Variants in AGBL4 observed in about 807,000 individuals in gnomAD.
The protein encoded by AGBL4 is cytosolic carboxypeptidase 6.
Under a neutral mutation model 66.4 loss-of-function variants are expected in AGBL4, and 58 were observed. The observed-to-expected ratio is 0.87, with a 90% CI of 0.71 to 1.09. The LOEUF (loss-of-function observed/expected upper bound fraction) is 1.09, where lower values mean the gene tolerates loss of function less well. AGBL4 is among the 50% of genes least tolerant of loss of function. The probability of loss-of-function intolerance (pLI) is 0.00; values close to 1 mark genes in which losing one functional copy is unlikely to be tolerated. For synonymous variants in AGBL4, 234 were observed against 222.9 expected, an observed-to-expected ratio of 1.05 and a Z score of -0.44; for missense variants, 579 against 631.0, an observed-to-expected ratio of 0.92 and a Z score of 0.88.
At chr1:48,969,866 C>T (rs1009968210) in intron 5 of AGBL4, among the ~76,000 whole-genome samples, 2 of 152,170 alleles carry the variant, frequency 1.3e-5, no homozygotes, top group Non-Finnish European at 2.9e-5. Context: ...TCACTCATTT[C>T]CAGCACCTGA....
intron 2 of AGBL4, among the ~76,000 whole-genome samples, chr1:49,773,712 T>C (rs1361913424): frequency 1.3e-5 from 2 of 152,212 alleles, no homozygotes; most frequent in Non-Finnish European, 2.9e-5. Context: ...AGACTCACTA[T>C]CAGGCCAGGG....
chr1:48,974,866 T>G (rs1476767756), intron 5 of AGBL4, among the ~76,000 whole-genome samples: 1 of 152,170 alleles, frequency 6.6e-6, no homozygotes, highest in Non-Finnish European at 1.5e-5. Context: ...AGGAAACAGA[T>G]TCTACCTGTC....
At chr1:49,933,588 C>T (rs1224305825) in intron 1 of AGBL4, among the ~76,000 whole-genome samples, 2 of 152,010 alleles carry the variant, frequency 1.3e-5, no homozygotes, top group African/African-American at 2.4e-5. Flanking sequence ...CTATAAATTA[C>T]AAAAACTTGT....
At chr1:49,978,360 C>CT (rs1658756282) in intron 1 of AGBL4, among the ~76,000 whole-genome samples, 2 of 152,062 alleles carry the variant, frequency 1.3e-5, no homozygotes, top group Non-Finnish European at 2.9e-5. Context: ...CAGAGAATCA[C>CT]TTGGGCCCAG....
At chr1:48,703,442 T>C (rs1271911346) in intron 6 of AGBL4, among the ~76,000 whole-genome samples, 1 of 151,988 alleles carries the variant, frequency 6.6e-6, no homozygotes. Flanking sequence ...AAGGAGATGA[T>C]AGATACAAAA....
chr1:48,595,113 T>A (rs1644976125), intron 9 of AGBL4, among the ~76,000 whole-genome samples: 1 of 152,118 alleles, frequency 6.6e-6, no homozygotes. Context: ...AAATCTCAAT[T>A]CAAAAAGCCT....
At chr1:49,905,441 A>C (rs1391625692) in intron 1 of AGBL4, among the ~76,000 whole-genome samples, 1 of 152,198 alleles carries the variant, frequency 6.6e-6, no homozygotes, top group Non-Finnish European at 1.5e-5. Context: ...ACCAACATGA[A>C]GCAAGTCAAA....
chr1:49,582,878 C>T (rs1257514400), intron 3 of AGBL4, among the ~76,000 whole-genome samples: 2 of 152,160 alleles, frequency 1.3e-5, no homozygotes, highest in East Asian at 1.9e-4. Flanking sequence ...TTTTCCAAAA[C>T]CAGATCTATG....
chr1:49,137,199 G>C (rs1174515447), intron 4 of AGBL4, among the ~76,000 whole-genome samples: 1 of 151,956 alleles, frequency 6.6e-6, no homozygotes, highest in Admixed American at 6.6e-5. Flanking sequence ...TCTTAACCAA[G>C]GTCACATAGC....
intron 4 of AGBL4, among the ~76,000 whole-genome samples, chr1:49,176,060 A>T (rs1314790651): frequency 6.6e-6 from 1 of 152,168 alleles, no homozygotes; most frequent in Non-Finnish European, 1.5e-5. Flanking sequence ...AGAAAACGAT[A>T]GACTTGTTTT....
rs114836266 is a variant in AGBL4 at position 49,980,728 on chromosome 1, A to G, written c.34+43035T>C. Among the ~76,000 whole-genome samples the G allele has an allele frequency of 5.4e-3, 817 of 152,322 alleles. 10 individuals are homozygous for G. Among genetic ancestry groups the G allele is most frequent in the Non-Finnish European group, 7.7e-3 (526 of 68,006 alleles). On this transcript the variant is annotated intron_variant, in intron 1 of 13. Transcript: ENST00000371839. ...TATTGTGAATACTGCTACTGTGAACATGAGTGTGCAAATATCTCTTCAAGA... is the reference window on the plus strand; with the variant it reads ...TATTGTGAATACTGCTACTGTGAACGTGAGTGTGCAAATATCTCTTCAAGA...
chr1:49,556,926 TC>T, intron 3 of AGBL4, among the ~76,000 whole-genome samples: 1 of 152,178 alleles, frequency 6.6e-6, no homozygotes, highest in Admixed American at 6.5e-5. Context: ...CGGCGCACCC[TC>T]CGCAGATGCT....
At chr1:49,052,358 A>G (rs965749665) in intron 4 of AGBL4, among the ~76,000 whole-genome samples, 6 of 152,130 alleles carry the variant, frequency 3.9e-5, no homozygotes, top group South Asian at 4.1e-4. Flanking sequence ...CACATACTCT[A>G]TCTTCTCCAA....
At chr1:49,763,467 G>A (rs1393663097) in intron 2 of AGBL4, among the ~76,000 whole-genome samples, 1 of 152,180 alleles carries the variant, frequency 6.6e-6, no homozygotes, top group Admixed American at 6.5e-5. Flanking sequence ...AAACAAAACG[G>A]TGAGCAAATA....
At chr1:49,781,102 A>G (rs994614087) in intron 2 of AGBL4, among the ~76,000 whole-genome samples, 18 of 152,306 alleles carry the variant, frequency 1.2e-4, no homozygotes, top group Admixed American at 2.6e-4. Flanking sequence ...TCAAAATGTT[A>G]TAAGAGGCCA....
chr1:49,304,562 G>A (rs1644815708), intron 3 of AGBL4, among the ~76,000 whole-genome samples: 1 of 152,144 alleles, frequency 6.6e-6, no homozygotes, highest in Non-Finnish European at 1.5e-5. Flanking sequence ...CCCAGTTGCA[G>A]ATGGTTATCA....
chr1:49,874,459 A>G (rs1646921837), intron 1 of AGBL4, among the ~76,000 whole-genome samples: 1 of 152,110 alleles, frequency 6.6e-6, no homozygotes, highest in African/African-American at 2.4e-5. Flanking sequence ...TATGCTAAAA[A>G]ACCCAATAAA....
intron 3 of AGBL4, among the ~76,000 whole-genome samples, chr1:49,644,429 C>T (rs1043461135): frequency 2.6e-5 from 4 of 151,508 alleles, no homozygotes; most frequent in Non-Finnish European, 4.4e-5. Flanking sequence ...AATGCAACTA[C>T]ACAGAAAGGT....
rs76976773 is a variant in AGBL4 at position 48,871,528 on chromosome 1, G to A, written c.595-4298C>T. 1.6e-4 allele frequency among the ~76,000 whole-genome samples: 24 copies of A among 152,200 alleles called. No individual in the cohort carries two copies. The East Asian group carries it at 4.4e-3, about 28-fold the overall frequency. ...ACTGAAGGAATGTGGGTATGCCAGC[G>A]TTGGATCAATCAGGAGTAGATATGT... On this transcript the variant is annotated intron_variant, in intron 5 of 13. Coordinates refer to ENST00000371839, the MANE Select transcript of AGBL4 (RefSeq NM_032785.4).
Sources: gnomAD v4.1 joint callset for allele counts (sites outside exome capture counted in the v4.1 genomes callset) on GRCh38, gnomAD v4.1.1 for gene constraint, MANE v1.5 for transcripts, NCBI Gene and HGNC (gene_info 2026-07-23, HGNC 2026-07-21) for gene names.